The following MAGI2 variants were observed in gnomAD, a reference collection of about 807,000 sequenced individuals.
MAGI2 encodes the protein membrane associated guanylate kinase, WW and PDZ domain containing 2, also known as membrane-associated guanylate kinase, WW and PDZ domain-containing protein 2.
In MAGI2, 35 loss-of-function variants were observed where a neutral mutation model predicts 133.3. That is an observed-to-expected ratio of 0.26 (90% CI 0.20 to 0.35). The LOEUF (loss-of-function observed/expected upper bound fraction) is 0.35, where lower values mean the gene tolerates loss of function less well. Ranked by LOEUF, MAGI2 falls within the 10% of genes least tolerant of loss-of-function variation. The pLI, the probability that MAGI2 is intolerant of heterozygous loss-of-function variation, is 1.00. For missense variants in MAGI2, 1,636 were observed against 1,863.4 expected, an observed-to-expected ratio of 0.88 and a Z score of 2.25; for synonymous variants, 729 against 710.6, an observed-to-expected ratio of 1.03 and a Z score of -0.41.
intron 1 of MAGI2, among the ~76,000 whole-genome samples, chr7:79,379,276 A>G (rs988065310): frequency 3.3e-5 from 5 of 151,780 alleles, no homozygotes; most frequent in African/African-American, 1.2e-4. Flanking sequence ...CCATGTCCCT[A>G]AAAAGGATAA....
chr7:78,125,843 G>T lies in MAGI2; in HGVS notation c.3424-6C>A. The T allele has an allele frequency of 6.2e-7, 1 of 1,613,480 alleles. No homozygotes were observed. Among genetic ancestry groups the T allele is most frequent in the Non-Finnish European group, 8.5e-7 (1 of 1,179,740 alleles). On this transcript the variant is annotated splice_polypyrimidine_tract_variant and splice_region_variant and intron_variant, in intron 19 of 21. Transcript: ENST00000354212. ...ACAGTGAAATAATCAAAATCCTTTG[G>T]GGTTGGGGAGAAAATGGAATAAATA... is the stretch of plus-strand genomic sequence containing the variant.
At chr7:78,686,845 C>T (rs1816373106) in intron 2 of MAGI2, among the ~76,000 whole-genome samples, 1 of 152,120 alleles carries the variant, frequency 6.6e-6, no homozygotes, top group Non-Finnish European at 1.5e-5. Context: ...CAAAGGGAAA[C>T]CTTTTCTAAT....
At position 78,189,262 on chromosome 7, in the gene MAGI2, C is replaced by T. The variant is rs566465746; in HGVS notation, c.2270-3592G>A. ...CATAGATGTGAAAAACATAACTGTC[C>T]GTTTTTGATCTGCCACAAATGATAA... On this transcript the variant is annotated intron_variant, in intron 12 of 21. Transcript: ENST00000354212. 1.6e-4 allele frequency among the ~76,000 whole-genome samples: 24 copies of T among 152,206 alleles called. No individual in the cohort carries two copies. The East Asian group carries it at 2.7e-3, about 17-fold the overall frequency.
chr7:78,800,968 T>C (rs542312110), intron 2 of MAGI2, among the ~76,000 whole-genome samples: 14 of 152,278 alleles, frequency 9.2e-5, no homozygotes, highest in Admixed American at 3.3e-4. Flanking sequence ...AAATGACCTA[T>C]GAGAACGTAA....
At chr7:79,439,611 G>C (rs934016682) in intron 1 of MAGI2, among the ~76,000 whole-genome samples, 1 of 152,080 alleles carries the variant, frequency 6.6e-6, no homozygotes, top group African/African-American at 2.4e-5. Flanking sequence ...GGTAGAATCT[G>C]ATCCTTATTA....
At chr7:78,709,384 C>A (rs1256523317) in intron 2 of MAGI2, among the ~76,000 whole-genome samples, 1 of 151,852 alleles carries the variant, frequency 6.6e-6, no homozygotes, top group African/African-American at 2.4e-5. Flanking sequence ...TAAGGAAATG[C>A]CCTTTATCTC....
At chr7:78,064,973 T>C (rs1012749134) in intron 21 of MAGI2, among the ~76,000 whole-genome samples, 2 of 152,172 alleles carry the variant, frequency 1.3e-5, no homozygotes, top group Non-Finnish European at 2.9e-5. Context: ...TGTAAAGTTA[T>C]GACTACTTTA....
intron 9 of MAGI2, among the ~76,000 whole-genome samples, chr7:78,263,723 C>T (rs1008016494): frequency 7.2e-5 from 11 of 152,130 alleles, no homozygotes; most frequent in African/African-American, 2.7e-4. Flanking sequence ...AGCTCATCTC[C>T]CATACCATAC....
At chr7:78,816,051 G>A (rs1789549098) in intron 2 of MAGI2, among the ~76,000 whole-genome samples, 1 of 152,164 alleles carries the variant, frequency 6.6e-6, no homozygotes, top group Non-Finnish European at 1.5e-5. Context: ...ATTCTTGAAG[G>A]AAATTAAAAG....
At chr7:78,596,617 G>A (rs1247023466) in intron 3 of MAGI2, among the ~76,000 whole-genome samples, 1 of 152,138 alleles carries the variant, frequency 6.6e-6, no homozygotes, top group East Asian at 1.9e-4. Context: ...TGGTAGGAAG[G>A]TTCTTGGTGG....
chr7:78,364,380 C>T (rs1298735368), intron 7 of MAGI2, among the ~76,000 whole-genome samples: 1 of 152,172 alleles, frequency 6.6e-6, no homozygotes, highest in Non-Finnish European at 1.5e-5. Context: ...CACTTCCCAA[C>T]TTGCTACCTC....
At chr7:79,238,741 G>A (rs988320163) in intron 1 of MAGI2, among the ~76,000 whole-genome samples, 2 of 152,036 alleles carry the variant, frequency 1.3e-5, no homozygotes, top group Non-Finnish European at 2.9e-5. Flanking sequence ...AATCTTACAT[G>A]AGCATAAACC....
chr7:78,406,440 T>C (rs1056801557), intron 6 of MAGI2, among the ~76,000 whole-genome samples: 6 of 152,064 alleles, frequency 3.9e-5, no homozygotes, highest in Non-Finnish European at 8.8e-5. Flanking sequence ...TAATCACATA[T>C]TTTCCCCTTT....
chr7:79,246,021 C>A (rs765020453), intron 1 of MAGI2, among the ~76,000 whole-genome samples: 1 of 152,182 alleles, frequency 6.6e-6, no homozygotes, highest in Admixed American at 6.5e-5. Context: ...TATCCAAGAC[C>A]ACCAGGGCAG....
At chr7:78,353,806 T>A (rs1240410116) in intron 7 of MAGI2, among the ~76,000 whole-genome samples, 2 of 152,092 alleles carry the variant, frequency 1.3e-5, no homozygotes, top group African/African-American at 4.8e-5. Context: ...TGCATGTGGT[T>A]GTGTATGGGT....
intron 1 of MAGI2, among the ~76,000 whole-genome samples, chr7:79,137,675 A>T (rs948262470): frequency 9.3e-5 from 14 of 150,726 alleles, no homozygotes; most frequent in South Asian, 2.1e-4. Flanking sequence ...CTGGTCTCGA[A>T]CTCCTGACCA....
chr7:78,818,519 ATTAAT>A (rs573347662), intron 2 of MAGI2, among the ~76,000 whole-genome samples: 1 of 152,214 alleles, frequency 6.6e-6, no homozygotes, highest in Admixed American at 6.5e-5. Context: ...TATAAAATTC[ATTAAT>A]TTATTTCATT....
At chr7:78,725,082 C>T (rs1211166748) in intron 2 of MAGI2, among the ~76,000 whole-genome samples, 1 of 152,154 alleles carries the variant, frequency 6.6e-6, no homozygotes, top group Admixed American at 6.5e-5. Context: ...TACATTAAAA[C>T]AACGTTGCAT....
chr7:79,254,412 A>G (rs908823750), intron 1 of MAGI2, among the ~76,000 whole-genome samples: 5 of 152,188 alleles, frequency 3.3e-5, no homozygotes, highest in East Asian at 1.9e-4. Flanking sequence ...CTCCAAATTT[A>G]TTGAGATACT....
Sources: allele counts gnomAD v4.1 joint callset (sites outside exome capture counted in the v4.1 genomes callset), GRCh38; gene constraint gnomAD v4.1.1; transcripts MANE v1.5; gene names NCBI Gene and HGNC (gene_info 2026-07-23, HGNC 2026-07-21).